FAP: variants seen among roughly 807,000 people sequenced by gnomAD.
The protein encoded by FAP is fibroblast activation protein alpha.
FAP carries 110 observed loss-of-function variants against 126.5 expected under a neutral mutation model. That is an observed-to-expected ratio of 0.87 (90% CI 0.74 to 1.02). The LOEUF (loss-of-function observed/expected upper bound fraction) is 1.02, where lower values mean the gene tolerates loss of function less well. Among genes scored for constraint, FAP ranks in the 50% least tolerant of loss-of-function variants. The pLI, the probability that FAP is intolerant of heterozygous loss-of-function variation, is 0.00. For synonymous variants in FAP, 334 were observed against 297.3 expected (o/e 1.12, Z -1.27); for missense variants, 919 against 909.2 (o/e 1.01, Z -0.14).
chr2:162,234,527 AAG>A (rs1690025421), intron 2 of FAP, among the ~76,000 whole-genome samples: 2 of 152,170 alleles, frequency 1.3e-5, no homozygotes, highest in Admixed American at 6.5e-5. Context: ...TGTCAGTAGA[AAG>A]AGTTTTACTT....
At chr2:162,223,735 G>A (rs759748854) in intron 5 of FAP, 75 bp from the exon 6 acceptor site, 148 of 896,302 alleles carry the variant, frequency 1.7e-4, no homozygotes, top group Non-Finnish European at 2.5e-4. Context: ...TAATCATATA[G>A]CATCCAATTC....
intron 2 of FAP, among the ~76,000 whole-genome samples, chr2:162,230,205 A>G (rs1039484833): frequency 2.0e-5 from 3 of 152,222 alleles, no homozygotes; most frequent in African/African-American, 7.2e-5. Context: ...CCACGTGTTC[A>G]TAAACACAGT....
intron 16 of FAP, among the ~76,000 whole-genome samples, chr2:162,195,823 A>G (rs1688232520): frequency 6.6e-6 from 1 of 152,132 alleles, no homozygotes; most frequent in East Asian, 1.9e-4. Flanking sequence ...AAAAGCAACA[A>G]ATGTGGAGGT....
chr2:162,183,958 T>C (rs1687778853), intron 20 of FAP, among the ~76,000 whole-genome samples: 1 of 152,238 alleles, frequency 6.6e-6, no homozygotes, highest in Non-Finnish European at 1.5e-5. Context: ...GTCTTCCATT[T>C]CATACTTAGG....
At chr2:162,213,862 T>C in intron 11 of FAP, 76 bp downstream of exon 11, 1 of 1,426,544 alleles carries the variant, frequency 7.0e-7, no homozygotes, top group South Asian at 1.6e-5. Context: ...CAACATAAAA[T>C]GTTAGCTATG....
chr2:162,215,860 A>G, intron 10 of FAP, 38 bp downstream of exon 10: 1 of 1,434,438 alleles, frequency 7.0e-7, no homozygotes, highest in Non-Finnish European at 9.8e-7. Flanking sequence ...GCACTAGAAT[A>G]TAGGATAGAA....
At chr2:162,187,148 C>A (rs544709607) in intron 20 of FAP, among the ~76,000 whole-genome samples, 1 of 151,982 alleles carries the variant, frequency 6.6e-6, no homozygotes, top group African/African-American at 2.4e-5. Context: ...TGAGTCTAAA[C>A]TCTTCTGCTT....
intron 2 of FAP, among the ~76,000 whole-genome samples, chr2:162,229,874 G>T (rs1406697836): frequency 1.3e-5 from 2 of 152,090 alleles, no homozygotes; most frequent in African/African-American, 2.4e-5. Context: ...AATCTGTAAA[G>T]CAATTTTAAG....
intron 20 of FAP, among the ~76,000 whole-genome samples, chr2:162,186,770 T>C (rs1207887972): frequency 1.3e-5 from 2 of 152,056 alleles, no homozygotes; most frequent in Non-Finnish European, 2.9e-5. Context: ...ATGTGAGCCA[T>C]GGTGCTAAAA....
At position 162,189,091 on chromosome 2, in the gene FAP, A is replaced by G; in HGVS notation, c.1619+12T>C. 2 of 1,541,186 alleles carry G rather than the reference A, an allele frequency of 1.3e-6. No individual in the cohort carries two copies. The highest frequency in any genetic ancestry group is 1.8e-6 in the Non-Finnish European group (2 of 1,121,588). On this transcript the variant is annotated intron_variant, in intron 19 of 25. Coordinates refer to ENST00000188790, the MANE Select transcript of FAP (RefSeq NM_004460.5). Reference sequence around the variant, plus strand: ...AGTAAATAGTTTTTACACCAAAGAAAATATTACATACACTTGAATTAGCAA... The same window carrying G: ...AGTAAATAGTTTTTACACCAAAGAAGATATTACATACACTTGAATTAGCAA...
Position 162,226,601 on chromosome 2 carries a change from T to C in FAP, c.112A>G (p.Thr38Ala). 2 of 1,589,060 alleles carry C rather than the reference T, an allele frequency of 1.3e-6. No homozygotes were observed. Among genetic ancestry groups the C allele is most frequent in the Non-Finnish European group, 1.7e-6 (2 of 1,165,610 alleles). The stretch of plus-strand genomic sequence containing the variant: ...TCCTTCAGTGTGAGTGCTCTCATTG[T>C]ATTTTCTTCAGAGTTATGAACTTTG... ...PSRVHNSEEN[T>A]MRALTLKDIL... The change falls in exon 3 of 26, where the codon ACA becomes GCA. Residue 38 changes from threonine to alanine, a missense_variant. Physicochemically the swap from Thr to Ala is moderately conservative, Grantham distance 58 (BLOSUM62 0). Coordinates refer to ENST00000188790, the MANE Select transcript of FAP (RefSeq NM_004460.5).
At chr2:162,187,504 C>A (rs1326152966) in intron 20 of FAP, among the ~76,000 whole-genome samples, 1 of 152,008 alleles carries the variant, frequency 6.6e-6, no homozygotes, top group African/African-American at 2.4e-5. Context: ...AAAAAAGCCA[C>A]AATTTTGGTG....
At position 162,213,990 on chromosome 2, in the gene FAP, A is replaced by T; in HGVS notation, c.950T>A (p.Val317Asp). ...TTCCCTGAAGTCACATATAGACAGG[A>T]CCGAAACATTCTGGACTCTTTTTAG... ...QWLKRVQNVSVLSICDFREDW... is the reference protein window; with the variant it reads ...QWLKRVQNVSDLSICDFREDW... The change falls in exon 11 of 26, where the codon GTC (valine) becomes GAC (aspartate). Residue 317 changes from valine to aspartate, a missense_variant. Transcript: ENST00000188790. 6.2e-7 allele frequency: 1 copy of T among 1,614,134 alleles called. No individual in the cohort carries two copies. Among genetic ancestry groups the T allele is most frequent in the Non-Finnish European group, 8.5e-7 (1 of 1,180,004 alleles).
intron 9 of FAP, among the ~76,000 whole-genome samples, chr2:162,217,132 C>G (rs1167106316): frequency 6.6e-6 from 1 of 152,216 alleles, no homozygotes; most frequent in Non-Finnish European, 1.5e-5. Context: ...TCTATGGCCA[C>G]TTTGGCTTGC....
At chr2:162,216,373 G>A (rs1038143307) in intron 9 of FAP, among the ~76,000 whole-genome samples, 1 of 152,158 alleles carries the variant, frequency 6.6e-6, no homozygotes, top group Non-Finnish European at 1.5e-5. Context: ...ATACCAAGGA[G>A]AGTTCAGAGG....
intron 18 of FAP, 33 bp downstream of exon 18, chr2:162,189,623 A>G (rs913528513): frequency 2.5e-6 from 3 of 1,213,606 alleles, no homozygotes; most frequent in African/African-American, 1.5e-5. Flanking sequence ...TCAGCTTCAT[A>G]TCTATAAATG....
intron 12 of FAP, among the ~76,000 whole-genome samples, chr2:162,207,843 T>G (rs972623518): frequency 6.6e-6 from 1 of 151,758 alleles, no homozygotes; most frequent in Non-Finnish European, 1.5e-5. Flanking sequence ...CCTGAGTAGC[T>G]GGGACTACAG....
intron 6 of FAP, among the ~76,000 whole-genome samples, chr2:162,222,964 C>A (rs915036964): frequency 2.0e-5 from 3 of 152,196 alleles, no homozygotes; most frequent in South Asian, 2.1e-4. Flanking sequence ...TTCTCTTCGT[C>A]AATGCTTCGC....
At chr2:162,236,457 T>C (rs1299598043) in intron 2 of FAP, among the ~76,000 whole-genome samples, 2 of 152,008 alleles carry the variant, frequency 1.3e-5, no homozygotes, top group Non-Finnish European at 1.5e-5. Flanking sequence ...TGTTTTTTTT[T>C]TTTTGTGGGA....
Sources: gnomAD v4.1 joint callset for allele counts (sites outside exome capture counted in the v4.1 genomes callset) on GRCh38, gnomAD v4.1.1 for gene constraint, MANE v1.5 for transcripts, NCBI Gene and HGNC (gene_info 2026-07-23, HGNC 2026-07-21) for gene names.